ADGRB3: variants seen among roughly 807,000 people sequenced by gnomAD.
The protein encoded by ADGRB3 is brain-specific angiogenesis inhibitor 3.
ADGRB3 carries 37 observed loss-of-function variants against 193.4 expected under a neutral mutation model. The ratio of observed to expected loss-of-function variants is 0.19; its 90% CI spans 0.15 to 0.25. The LOEUF is 0.25. Among genes scored for constraint, ADGRB3 ranks in the 10% least tolerant of loss-of-function variants. The pLI, the probability that ADGRB3 is intolerant of heterozygous loss-of-function variation, is 1.00. For synonymous variants in ADGRB3, 690 were observed against 644.2 expected, an observed-to-expected ratio of 1.07 and a Z score of -1.08; for missense variants, 1,637 against 1,852.9, an observed-to-expected ratio of 0.88 and a Z score of 2.14.
intron 6 of ADGRB3, among the ~76,000 whole-genome samples, chr6:68,948,538 G>A (rs1361652045): frequency 1.3e-5 from 2 of 151,870 alleles, no homozygotes; most frequent in Non-Finnish European, 2.9e-5. Context: ...TAAACACTTC[G>A]GGGAACATAA....
At chr6:69,043,677 C>T (rs1158071152) in intron 13 of ADGRB3, among the ~76,000 whole-genome samples, 2 of 152,166 alleles carry the variant, frequency 1.3e-5, no homozygotes, top group African/African-American at 2.4e-5. Flanking sequence ...CTATTCTCAG[C>T]TCTTGATAGT....
At chr6:69,005,654 C>T (rs1769726018) in intron 11 of ADGRB3, among the ~76,000 whole-genome samples, 1 of 152,164 alleles carries the variant, frequency 6.6e-6, no homozygotes, top group Non-Finnish European at 1.5e-5. Flanking sequence ...TATCTGTTCT[C>T]ACATTCCTTT....
intron 11 of ADGRB3, among the ~76,000 whole-genome samples, chr6:68,994,591 A>C (rs1275149111): frequency 6.6e-6 from 1 of 152,212 alleles, no homozygotes; most frequent in Non-Finnish European, 1.5e-5. Flanking sequence ...TGCCTTTGCC[A>C]TTAAAACAAA....
intron 3 of ADGRB3, among the ~76,000 whole-genome samples, chr6:68,887,612 T>G (rs1765947190): frequency 6.6e-6 from 1 of 152,128 alleles, no homozygotes; most frequent in Non-Finnish European, 1.5e-5. Flanking sequence ...GCTAAATATC[T>G]AGTGTTGTCT....
intron 29 of ADGRB3, among the ~76,000 whole-genome samples, chr6:69,362,267 A>G (rs573114956): frequency 6.6e-6 from 1 of 152,082 alleles, no homozygotes; most frequent in East Asian, 1.9e-4. Flanking sequence ...GTTGACATAT[A>G]TATTCATATA....
intron 3 of ADGRB3, among the ~76,000 whole-genome samples, chr6:68,854,073 G>C (rs1764883083): frequency 6.6e-6 from 1 of 152,120 alleles, no homozygotes; most frequent in African/African-American, 2.4e-5. Context: ...CTCCTATCCA[G>C]ACACAGTCTC....
intron 10 of ADGRB3, among the ~76,000 whole-genome samples, chr6:68,976,253 C>T (rs184581999): frequency 1.3e-5 from 2 of 152,216 alleles, no homozygotes; most frequent in East Asian, 3.9e-4. Flanking sequence ...CAACCCCTAT[C>T]AACTAATAGA....
rs541988294 is a variant in ADGRB3, at chr6:68,931,764, G to T, written c.868+1095G>T. ...TTAATGAGTTTTGCTCTTAATAAGG[G>T]GTGAGTAGAAGATTTTGATACATTA... On this transcript the variant is annotated intron_variant, in intron 4 of 31. Coordinates refer to ENST00000370598, the MANE Select transcript of ADGRB3 (RefSeq NM_001704.3). 7.2e-5 allele frequency among the ~76,000 whole-genome samples: 11 copies of T among 152,212 alleles called. No homozygotes were observed. The South Asian group carries it at 2.3e-3, about 32-fold the overall frequency.
At chr6:68,989,388 C>T (rs1270229797) in intron 10 of ADGRB3, among the ~76,000 whole-genome samples, 1 of 151,754 alleles carries the variant, frequency 6.6e-6, no homozygotes, top group Non-Finnish European at 1.5e-5. Flanking sequence ...AATAAATAGC[C>T]AATTAGATTC....
chr6:69,011,449 G>A (rs951180791), intron 11 of ADGRB3, among the ~76,000 whole-genome samples: 3 of 151,812 alleles, frequency 2.0e-5, no homozygotes, highest in Non-Finnish European at 2.9e-5. Context: ...CATAAAAATG[G>A]CAAAAATAGA....
At chr6:69,186,008 G>A (rs768902883) in intron 17 of ADGRB3, among the ~76,000 whole-genome samples, 6 of 152,036 alleles carry the variant, frequency 3.9e-5, no homozygotes, top group Non-Finnish European at 8.8e-5. Context: ...AACACACAGA[G>A]CATGCATGTG....
chr6:69,252,504 A>G (rs1321085415), intron 20 of ADGRB3, among the ~76,000 whole-genome samples: 1 of 152,158 alleles, frequency 6.6e-6, no homozygotes, highest in African/African-American at 2.4e-5. Flanking sequence ...GGTTTTCCAA[A>G]ATGGTCATAC....
At chr6:69,274,609 C>G (rs1286837406) in intron 20 of ADGRB3, among the ~76,000 whole-genome samples, 1 of 126,130 alleles carries the variant, frequency 7.9e-6, no homozygotes, top group Non-Finnish European at 1.7e-5. Context: ...CTCCCTCCCT[C>G]CCTCCCTCCC....
intron 20 of ADGRB3, among the ~76,000 whole-genome samples, chr6:69,249,063 C>T (rs572054368): frequency 3.3e-5 from 5 of 152,252 alleles, no homozygotes; most frequent in South Asian, 2.1e-4. Context: ...CTGAAACCTC[C>T]GCCTCCCGGG....
At chr6:69,111,901 G>A (rs1773376730) in intron 17 of ADGRB3, among the ~76,000 whole-genome samples, 1 of 152,138 alleles carries the variant, frequency 6.6e-6, no homozygotes, top group Non-Finnish European at 1.5e-5. Context: ...GGTATCTGTT[G>A]GGGTATAGGT....
intron 17 of ADGRB3, among the ~76,000 whole-genome samples, chr6:69,152,113 T>C (rs535286697): frequency 2.0e-5 from 3 of 152,234 alleles, no homozygotes; most frequent in Non-Finnish European, 2.9e-5. Flanking sequence ...AGTCTTAGTA[T>C]GTCTCTATGT....
intron 6 of ADGRB3, among the ~76,000 whole-genome samples, chr6:68,948,598 T>C (rs1287184789): frequency 6.6e-6 from 1 of 152,114 alleles, no homozygotes; most frequent in African/African-American, 2.4e-5. Flanking sequence ...TAATTTTCTT[T>C]ATAGCTTTTT....
In ADGRB3 at chr6:69,310,864, A is replaced by G. The variant is rs190733070; in HGVS notation, c.2815-14008A>G. 1.4e-3 allele frequency among the ~76,000 whole-genome samples: 216 copies of G among 151,814 alleles called. 2 individuals carry two copies. Among genetic ancestry groups the G allele is most frequent in the African/African-American group, 5.1e-3 (212 of 41,508 alleles). On this transcript the variant is annotated intron_variant, in intron 20 of 31. Coordinates refer to ENST00000370598, the MANE Select transcript of ADGRB3 (RefSeq NM_001704.3). Reference sequence around the variant, plus strand: ...AGCTATTTTTTTCCAATAGATAAATATCTTCCAAAAATGTATTTATAGTCA... The same window carrying G: ...AGCTATTTTTTTCCAATAGATAAATGTCTTCCAAAAATGTATTTATAGTCA...
At chr6:69,294,942 A>G (rs1767776864) in intron 20 of ADGRB3, among the ~76,000 whole-genome samples, 1 of 152,152 alleles carries the variant, frequency 6.6e-6, no homozygotes, top group Admixed American at 6.6e-5. Flanking sequence ...TCAATTCATC[A>G]TGGATAACAT....
Sources: gnomAD v4.1 joint callset for allele counts (sites outside exome capture counted in the v4.1 genomes callset) on GRCh38, gnomAD v4.1.1 for gene constraint, MANE v1.5 for transcripts, NCBI Gene and HGNC (gene_info 2026-07-23, HGNC 2026-07-21) for gene names.